PIGK: variants seen among roughly 807,000 people sequenced by gnomAD.
The protein encoded by PIGK is GPI-anchor transamidase.
In PIGK, 42 loss-of-function variants were observed where a neutral mutation model predicts 50.6. The ratio of observed to expected loss-of-function variants is 0.83; its 90% confidence interval spans 0.65 to 1.07. The LOEUF (loss-of-function observed/expected upper bound fraction) is 1.07, where lower values mean the gene tolerates loss of function less well. Ranked by LOEUF, PIGK falls within the 50% of genes least tolerant of loss-of-function variation. The pLI, the probability that PIGK is intolerant of heterozygous loss-of-function variation, is 0.00. For synonymous variants in PIGK, 151 were observed against 156.0 expected (o/e 0.97, Z 0.24); for missense variants, 448 against 488.7 (o/e 0.92, Z 0.78).
chr1:77,214,653 C>G (rs1283738115), intron 1 of PIGK, among the ~76,000 whole-genome samples: 1 of 152,028 alleles, frequency 6.6e-6, no homozygotes, highest in Non-Finnish European at 1.5e-5. Context: ...CTAGCCAGAG[C>G]AATTAATCAA....
chr1:77,166,885 C>T, intron 4 of PIGK, 55 bp from the exon 5 acceptor site: 1 of 839,764 alleles, frequency 1.2e-6, no homozygotes. Context: ...GAAATCTTGA[C>T]AAATTACTTT....
chr1:77,128,105 A>C (rs1654271040), intron 9 of PIGK, among the ~76,000 whole-genome samples: 1 of 152,196 alleles, frequency 6.6e-6, no homozygotes, highest in Admixed American at 6.5e-5. Context: ...ATTATACAGC[A>C]ATGAGAAAAC....
chr1:77,107,637 G>C (rs574426431), intron 10 of PIGK, among the ~76,000 whole-genome samples: 1 of 152,086 alleles, frequency 6.6e-6, no homozygotes, highest in Admixed American at 6.5e-5. Context: ...CAATTCCTGG[G>C]TATCCTTGTT....
intron 10 of PIGK, among the ~76,000 whole-genome samples, chr1:77,121,992 T>C (rs1191247549): frequency 6.6e-6 from 1 of 152,178 alleles, no homozygotes; most frequent in Non-Finnish European, 1.5e-5. Context: ...AAATGAAAGT[T>C]TTCTGAAATT....
chr1:77,161,661 T>A lies in PIGK; in HGVS notation c.635A>T (p.Tyr212Phe). The A allele has an allele frequency of 6.3e-7, 1 of 1,589,470 alleles. No individual in the cohort carries two copies. The highest frequency in any genetic ancestry group is 8.6e-7 in the Non-Finnish European group (1 of 1,157,638). ...TATGTTAGGAGAATAAAATCGTTCA[T>A]ACATGGATGCTCCTTGGCAAGTATC... Reference protein sequence around the residue: ...IIDTCQGASMYERFYSPNIMA... With the variant: ...IIDTCQGASMFERFYSPNIMA... Residue 212 changes from tyrosine to phenylalanine, a missense_variant, in exon 7 of 11, where the codon TAT becomes TTT. By Grantham distance (22) the Tyr-to-Phe change is conservative. Transcript: ENST00000370812.
intron 1 of PIGK, among the ~76,000 whole-genome samples, chr1:77,214,477 C>A (rs537605832): frequency 6.6e-6 from 1 of 152,152 alleles, no homozygotes; most frequent in Non-Finnish European, 1.5e-5. Context: ...AAACTCTCAA[C>A]AAATTGGGTA....
chr1:77,182,529 C>CTGT (rs1557816683), intron 3 of PIGK, among the ~76,000 whole-genome samples: 15 of 7,994 alleles, frequency 1.9e-3, no homozygotes, highest in Non-Finnish European at 5.3e-3. Context: ...TCTATCTGTA[C>CTGT]ACACACACAC....
At chr1:77,171,233 G>A (rs1297403982) in intron 3 of PIGK, among the ~76,000 whole-genome samples, 3 of 151,484 alleles carry the variant, frequency 2.0e-5, no homozygotes, top group Non-Finnish European at 2.9e-5. Flanking sequence ...TCAGGAGATC[G>A]AGACCATCCT....
At chr1:77,118,586 T>G (rs1247711026) in intron 10 of PIGK, among the ~76,000 whole-genome samples, 1 of 152,242 alleles carries the variant, frequency 6.6e-6, no homozygotes, top group African/African-American at 2.4e-5. Flanking sequence ...CCAACATACT[T>G]TTCTAATTGT....
At position 77,166,566 on chromosome 1, in the gene PIGK, A is replaced by G. The variant is rs1188126717; in HGVS notation, c.487+153T>C. On this transcript the variant is annotated intron_variant, in intron 5 of 10. Transcript: ENST00000370812. The stretch of plus-strand genomic sequence containing the variant: ...AAATGTTATACTGTTTTCAGATATC[A>G]TCTCAAATAGTTCTACATTATGGAA... Among the ~76,000 whole-genome samples, 3 of 152,216 alleles carry G rather than the reference A, an allele frequency of 2.0e-5. No individual in the cohort carries two copies. The East Asian group carries it at 5.8e-4, about 29-fold the overall frequency.
At position 77,214,939 on chromosome 1, in the gene PIGK, A is replaced by T. The variant is rs553386898; in HGVS notation, c.93+4371T>A. On this transcript the variant is annotated intron_variant, in intron 1 of 10. Transcript: ENST00000370812. The stretch of plus-strand genomic sequence containing the variant: ...AATTAAACACCTAGGAATAAATTTA[A>T]CCAAGAAGTGAAAAATCTCTACAAT... Among the ~76,000 whole-genome samples the T allele has an allele frequency of 2.0e-4, 30 of 152,282 alleles. No homozygotes were observed. The East Asian group carries it at 3.3e-3, about 17-fold the overall frequency.
chr1:77,157,588 CTA>C (rs975692831), intron 8 of PIGK, among the ~76,000 whole-genome samples: 4 of 152,072 alleles, frequency 2.6e-5, no homozygotes, highest in Admixed American at 2.6e-4. Context: ...ACTTAGGTGA[CTA>C]TAATTTTTTT....
chr1:77,147,112 C>T (rs1018648565), intron 9 of PIGK, among the ~76,000 whole-genome samples: 3 of 151,956 alleles, frequency 2.0e-5, no homozygotes, highest in Non-Finnish European at 4.4e-5. Flanking sequence ...AAAATCATGG[C>T]AGAAGGCAAA....
chr1:77,154,411 A>G (rs1409549355), intron 9 of PIGK, 38 bp downstream of exon 9: 2 of 1,448,862 alleles, frequency 1.4e-6, no homozygotes, highest in South Asian at 2.3e-5. Context: ...AAACTGTGAG[A>G]CTAGTATTCT....
intron 9 of PIGK, 53 bp from the exon 10 acceptor site, chr1:77,122,412 A>AT: frequency 1.1e-6 from 1 of 927,334 alleles, no homozygotes; most frequent in Non-Finnish European, 1.7e-6. Context: ...ATTTTGAAAT[A>AT]TAGCAAATAT....
At chr1:77,151,603 G>A (rs1009245936) in intron 9 of PIGK, among the ~76,000 whole-genome samples, 4 of 152,018 alleles carry the variant, frequency 2.6e-5, no homozygotes, top group Admixed American at 2.6e-4. Context: ...AAAACCTAAA[G>A]AGTCCACCAA....
At chr1:77,186,425 T>C (rs1047867866) in intron 3 of PIGK, among the ~76,000 whole-genome samples, 8 of 152,220 alleles carry the variant, frequency 5.3e-5, no homozygotes, top group African/African-American at 1.9e-4. Context: ...TGTGTGACTA[T>C]ATACTGATTC....
intron 3 of PIGK, among the ~76,000 whole-genome samples, chr1:77,182,413 G>C (rs898952779): frequency 2.0e-5 from 3 of 152,054 alleles, no homozygotes; most frequent in East Asian, 3.9e-4. Context: ...ATTAAGGGTG[G>C]GTCTGCCTTT....
At chr1:77,203,427 G>A (rs1223293451) in intron 3 of PIGK, among the ~76,000 whole-genome samples, 4 of 152,140 alleles carry the variant, frequency 2.6e-5, no homozygotes, top group Non-Finnish European at 5.9e-5. Context: ...TTAGAGATTT[G>A]TGTGGGTACA....
Sources: gnomAD v4.1 joint callset for allele counts (sites outside exome capture counted in the v4.1 genomes callset) on GRCh38, gnomAD v4.1.1 for gene constraint, MANE v1.5 for transcripts, NCBI Gene and HGNC (gene_info 2026-07-23, HGNC 2026-07-21) for gene names.